PALLD: variants seen among roughly 807,000 people sequenced by gnomAD.
The protein encoded by PALLD is palladin, cytoskeletal associated protein.
PALLD carries 61 observed loss-of-function variants against 123.5 expected under a neutral mutation model. That is an observed-to-expected ratio of 0.49 (90% confidence interval 0.40 to 0.61). The LOEUF is 0.61. PALLD is among the 20% of genes least tolerant of loss of function. PALLD has a pLI of 0.00. For missense variants in PALLD, 1,273 were observed against 1,377.0 expected, an observed-to-expected ratio of 0.92 and a Z score of 1.20; for synonymous variants, 465 against 496.4, an observed-to-expected ratio of 0.94 and a Z score of 0.84.
At chr4:168,700,415 A>G (rs1226770464) in intron 8 of PALLD, 4 of 152,220 alleles carry the variant, frequency 2.6e-5, no homozygotes, top group African/African-American at 9.7e-5. Context: ...TACCTTATTT[A>G]TGCATGGAAG....
At chr4:168,535,991 G>A (rs760339078) in intron 2 of PALLD, among the ~76,000 whole-genome samples, 11 of 152,326 alleles carry the variant, frequency 7.2e-5, no homozygotes, top group Non-Finnish European at 1.6e-4. Context: ...GTGCCGGTTA[G>A]AGACTTCACT....
At chr4:168,861,200 G>A (rs1018304436) in intron 10 of PALLD, among the ~76,000 whole-genome samples, 6 of 151,890 alleles carry the variant, frequency 4.0e-5, no homozygotes, top group Admixed American at 1.3e-4. Context: ...TTTTGCCTCG[G>A]CTACATGGAT....
chr4:168,865,397 T>C (rs1429219345), intron 10 of PALLD, among the ~76,000 whole-genome samples: 1 of 152,230 alleles, frequency 6.6e-6, no homozygotes, highest in East Asian at 1.9e-4. Context: ...AAGCCCTGCA[T>C]TCACACCACG....
At chr4:168,671,418 C>G (rs139335829) in intron 3 of PALLD, among the ~76,000 whole-genome samples, 1 of 152,206 alleles carries the variant, frequency 6.6e-6, no homozygotes, top group Non-Finnish European at 1.5e-5. Context: ...CAGTGCCCAG[C>G]TTTCCATGTG....
At chr4:168,529,308 G>A (rs1764376304) in intron 2 of PALLD, among the ~76,000 whole-genome samples, 1 of 151,094 alleles carries the variant, frequency 6.6e-6, no homozygotes, top group Non-Finnish European at 1.5e-5. Context: ...CTGCACTCCA[G>A]CCTGAGCAAC....
Position 168,584,215 on chromosome 4 carries a change from G to GTTTT in PALLD, c.908+71814_908+71817dup, listed in dbSNP as rs10654362. On this transcript the variant is annotated intron_variant, in intron 2 of 21. Transcript: ENST00000505667. ...TTATATAGTACTCTAAGACCATCAG[G>GTTTT]TTTTTTTTTTTTTTACCTCGTCTTC... 4.8e-3 allele frequency among the ~76,000 whole-genome samples: 712 copies of GTTTT among 148,078 alleles called. 5 individuals carry two copies. Among genetic ancestry groups the GTTTT allele is most frequent in the African/African-American group, 0.016 (667 of 40,566 alleles).
At chr4:168,752,243 A>G (rs1375127325) in intron 10 of PALLD, among the ~76,000 whole-genome samples, 1 of 152,224 alleles carries the variant, frequency 6.6e-6, no homozygotes, top group Non-Finnish European at 1.5e-5. Context: ...GCTTGGCGGC[A>G]TGCGCCTGTA....
chr4:168,902,405 T>C (rs1460717456), intron 14 of PALLD, among the ~76,000 whole-genome samples: 1 of 152,180 alleles, frequency 6.6e-6, no homozygotes, highest in Admixed American at 6.5e-5. Context: ...ATCTCAGCCA[T>C]GTTAGGGCTG....
At chr4:168,506,537 G>A (rs1762023165) in intron 1 of PALLD, among the ~76,000 whole-genome samples, 3 of 152,024 alleles carry the variant, frequency 2.0e-5, no homozygotes, top group Admixed American at 2.0e-4. Flanking sequence ...CATCTTTTGA[G>A]AGCTGACCTA....
At chr4:168,656,480 G>A (rs978396443) in intron 2 of PALLD, among the ~76,000 whole-genome samples, 1 of 151,956 alleles carries the variant, frequency 6.6e-6, no homozygotes, top group African/African-American at 2.4e-5. Flanking sequence ...ATGTACTCCT[G>A]TCTACTCATG....
At chr4:168,541,042 C>T (rs1394058265) in intron 2 of PALLD, among the ~76,000 whole-genome samples, 1 of 152,168 alleles carries the variant, frequency 6.6e-6, no homozygotes, top group Non-Finnish European at 1.5e-5. Context: ...TGATTGCAGC[C>T]TCCCTGCTAA....
intron 2 of PALLD, chr4:168,598,294 A>C: frequency 2.4e-6 from 1 of 420,772 alleles, no homozygotes; most frequent in East Asian, 6.8e-5. Context: ...GATCTGAAAC[A>C]TCCTCCTCCT....
At chr4:168,899,577 G>A (rs896119966) in intron 14 of PALLD, among the ~76,000 whole-genome samples, 3 of 152,082 alleles carry the variant, frequency 2.0e-5, no homozygotes, top group Non-Finnish European at 2.9e-5. Flanking sequence ...GTGTTAGGCC[G>A]TTTTTGCATA....
rs1240958245 is a variant in PALLD, at chr4:168,878,149, G to A, written c.1965-12773G>A. 2.7e-6 allele frequency: 4 copies of A among 1,486,196 alleles called. No homozygotes were observed. Among genetic ancestry groups the A allele is most frequent in the Admixed American group, 2.2e-5 (1 of 45,094 alleles). 92.1% of individuals were successfully genotyped at this position (1,486,196 alleles called of 1,614,324 possible). On this transcript the variant is annotated intron_variant, in intron 10 of 21. Coordinates refer to ENST00000505667, the MANE Select transcript of PALLD (RefSeq NM_001166108.2). ...AGGCCCCGTGGGGCTCCTCCTCGCC[G>A]TCGCCCCCGCCCCCGCCACCCCCGG...
intron 10 of PALLD, among the ~76,000 whole-genome samples, chr4:168,713,558 C>T (rs1429480547): frequency 2.0e-5 from 3 of 152,008 alleles, no homozygotes; most frequent in East Asian, 3.9e-4. Context: ...ATCTACAGCC[C>T]GTCTTATCTC....
At chr4:168,520,475 CTTTCTATCT>C (rs1415462771) in intron 2 of PALLD, among the ~76,000 whole-genome samples, 1 of 150,524 alleles carries the variant, frequency 6.6e-6, no homozygotes, top group African/African-American at 2.5e-5. Flanking sequence ...GTTTTATCCT[CTTTCTATCT>C]TTTCCATTCT....
intron 2 of PALLD, among the ~76,000 whole-genome samples, chr4:168,586,108 A>T (rs371272192): frequency 6.7e-6 from 1 of 149,150 alleles, no homozygotes; most frequent in African/African-American, 2.5e-5. Context: ...GCACTTTAAG[A>T]TATCTTTAGT....
chr4:168,794,502 A>ACACG lies in PALLD; in HGVS notation c.1964+82583_1964+82586dup, dbSNP rs1554083985. On this transcript the variant is annotated intron_variant, in intron 10 of 21. Coordinates refer to ENST00000505667, the MANE Select transcript of PALLD (RefSeq NM_001166108.2). ...CGCACACACACATGCACGCACACAC[A>ACACG]CACGCACACACACACACACACACAC... 7.6e-4 allele frequency among the ~76,000 whole-genome samples: 104 copies of ACACG among 136,160 alleles called. 4 individuals are homozygous for ACACG. The South Asian group carries it at 0.023, about 30-fold the overall frequency. The allele number at this position is 136,160 out of a possible 152,430, so 89.3% of individuals were successfully genotyped here. A position where few individuals can be genotyped will look rare whatever the true frequency, so the allele number is the denominator to read the frequency against.
chr4:168,525,579 C>G (rs764086527), intron 2 of PALLD, among the ~76,000 whole-genome samples: 1 of 152,184 alleles, frequency 6.6e-6, no homozygotes, highest in Non-Finnish European at 1.5e-5. Context: ...TCATTTCCAA[C>G]CTAGATGCTA....
Sources: allele counts gnomAD v4.1 joint callset (sites outside exome capture counted in the v4.1 genomes callset), GRCh38; gene constraint gnomAD v4.1.1; transcripts MANE v1.5; gene names NCBI Gene and HGNC (gene_info 2026-07-23, HGNC 2026-07-21).